Variants in DLG2 observed in about 807,000 individuals in gnomAD.
The protein encoded by DLG2 is disks large homolog 2.
A neutral mutation model predicts 132.5 loss-of-function variants in DLG2; 45 were observed. That is an observed-to-expected ratio of 0.34 (90% CI 0.27 to 0.44). The LOEUF is 0.44. Ranked by LOEUF, DLG2 falls within the 20% of genes least tolerant of loss-of-function variation. The pLI is 1.00. For synonymous variants in DLG2, 424 were observed against 419.6 expected, an observed-to-expected ratio of 1.01 and a Z score of -0.13; for missense variants, 1,045 against 1,196.9, an observed-to-expected ratio of 0.87 and a Z score of 1.87.
intron 6 of DLG2, among the ~76,000 whole-genome samples, chr11:84,604,952 T>C (rs554174864): frequency 6.6e-6 from 1 of 152,110 alleles, no homozygotes; most frequent in Non-Finnish European, 1.5e-5. Flanking sequence ...TTGGTATATA[T>C]TCTTCTTGAT....
chr11:85,223,197 C>T (rs1280194377), intron 4 of DLG2, among the ~76,000 whole-genome samples: 1 of 152,130 alleles, frequency 6.6e-6, no homozygotes, highest in African/African-American at 2.4e-5. Context: ...TTTTTAAGGA[C>T]ATAGGAGTAA....
chr11:85,067,583 C>A (rs1481759771), intron 6 of DLG2, among the ~76,000 whole-genome samples: 1 of 151,700 alleles, frequency 6.6e-6, no homozygotes, highest in Non-Finnish European at 1.5e-5. Context: ...AAGACTAAAC[C>A]AGGAAGAAGT....
At chr11:85,404,562 T>C (rs117755677) in intron 3 of DLG2, among the ~76,000 whole-genome samples, 1 of 152,046 alleles carries the variant, frequency 6.6e-6, no homozygotes, top group East Asian at 1.9e-4. Context: ...TGCAAAACTG[T>C]TGCATAGCTG....
chr11:83,556,266 G>A (rs182653815), intron 19 of DLG2, among the ~76,000 whole-genome samples: 72 of 152,232 alleles, frequency 4.7e-4, no homozygotes, highest in African/African-American at 1.6e-3. Context: ...CGAAACATGC[G>A]TATGGACTGA....
chr11:85,462,101 A>G (rs1335677715), intron 3 of DLG2, among the ~76,000 whole-genome samples: 1 of 152,222 alleles, frequency 6.6e-6, no homozygotes, highest in East Asian at 1.9e-4. Flanking sequence ...CCACAATGAG[A>G]TATCATCTCA....
intron 3 of DLG2, among the ~76,000 whole-genome samples, chr11:85,595,677 G>A (rs371804445): frequency 6.6e-6 from 1 of 152,128 alleles, no homozygotes; most frequent in Non-Finnish European, 1.5e-5. Context: ...GAAGAAAGGA[G>A]GAAGAAAGTT....
intron 6 of DLG2, among the ~76,000 whole-genome samples, chr11:84,952,696 T>TA (rs1336667010): frequency 1.3e-5 from 2 of 152,134 alleles, no homozygotes; most frequent in East Asian, 3.8e-4. Flanking sequence ...ATAGAGATTT[T>TA]AAAAAAAGAA....
intron 8 of DLG2, among the ~76,000 whole-genome samples, chr11:84,239,354 T>C (rs2097198151): frequency 6.6e-6 from 1 of 152,044 alleles, no homozygotes; most frequent in Admixed American, 6.6e-5. Flanking sequence ...CTAATTTTTG[T>C]ATTTTTACCA....
rs1397400070 is a variant in DLG2, at chr11:85,469,066, AC to A, written c.40+129590del. Reference sequence around the variant, plus strand: ...GTACTCTTTTACCTCAATAAATGGAACCTAGATTCTTCCAATCGGGCAAGTC... The same window carrying A: ...GTACTCTTTTACCTCAATAAATGGAACTAGATTCTTCCAATCGGGCAAGTC... On this transcript the variant is annotated intron_variant, in intron 3 of 27. Coordinates refer to ENST00000376104, the MANE Select transcript of DLG2 (RefSeq NM_001142699.3). Among the ~76,000 whole-genome samples the A allele has an allele frequency of 2.0e-5, 3 of 152,324 alleles. 1 individual carries two copies. Among genetic ancestry groups the A allele is most frequent in the South Asian group, 4.1e-4 (2 of 4,828 alleles).
At chr11:85,572,565 T>C (rs2077905413) in intron 3 of DLG2, among the ~76,000 whole-genome samples, 1 of 152,174 alleles carries the variant, frequency 6.6e-6, no homozygotes, top group Non-Finnish European at 1.5e-5. Context: ...TTCCTCCTTG[T>C]CCCCTATGCA....
intron 3 of DLG2, among the ~76,000 whole-genome samples, chr11:85,424,441 G>A (rs958999426): frequency 6.6e-6 from 1 of 152,144 alleles, no homozygotes; most frequent in African/African-American, 2.4e-5. Context: ...CATCCGCCAT[G>A]ACCCCCAGTT....
chr11:84,242,721 T>C (rs1322964447), intron 8 of DLG2, among the ~76,000 whole-genome samples: 3 of 152,174 alleles, frequency 2.0e-5, no homozygotes. Context: ...AGGAATTTTA[T>C]AATTTTACAA....
intron 3 of DLG2, among the ~76,000 whole-genome samples, chr11:85,380,021 T>C (rs1377252195): frequency 6.6e-6 from 1 of 152,176 alleles, no homozygotes; most frequent in Admixed American, 6.5e-5. Flanking sequence ...CAACAAAATA[T>C]AAAAGTACTA....
intron 8 of DLG2, among the ~76,000 whole-genome samples, chr11:84,199,076 C>T (rs1009260856): frequency 2.0e-5 from 3 of 152,138 alleles, no homozygotes; most frequent in African/African-American, 7.2e-5. Context: ...CTACCTTATT[C>T]TTTCCCAAGT....
At chr11:84,186,568 CT>C (rs1306847822) in intron 8 of DLG2, among the ~76,000 whole-genome samples, 1 of 152,002 alleles carries the variant, frequency 6.6e-6, no homozygotes, top group Non-Finnish European at 1.5e-5. Context: ...AGACCTAGAT[CT>C]TTCAGGCTGG....
At chr11:84,622,031 AG>A (rs2099614866) in intron 6 of DLG2, among the ~76,000 whole-genome samples, 3 of 152,188 alleles carry the variant, frequency 2.0e-5, no homozygotes, top group Non-Finnish European at 4.4e-5. Flanking sequence ...GTAAGTAAAA[AG>A]TTGCGGACCG....
chr11:84,248,240 C>A (rs1403004338), intron 8 of DLG2, among the ~76,000 whole-genome samples: 1 of 152,068 alleles, frequency 6.6e-6, no homozygotes, highest in African/African-American at 2.4e-5. Context: ...ATAATGTATT[C>A]ATGTTTTTTC....
intron 3 of DLG2, among the ~76,000 whole-genome samples, chr11:85,376,496 A>C (rs1430822384): frequency 1.3e-5 from 2 of 152,182 alleles, no homozygotes; most frequent in African/African-American, 4.8e-5. Flanking sequence ...CATTTACTAT[A>C]TCACTCTATA....
intron 4 of DLG2, among the ~76,000 whole-genome samples, chr11:85,284,901 C>T (rs1419391740): frequency 6.6e-6 from 1 of 151,848 alleles, no homozygotes; most frequent in African/African-American, 2.4e-5. Flanking sequence ...CCCTATTCTA[C>T]CATCCATCTC....
Sources: gnomAD v4.1 joint callset for allele counts (sites outside exome capture counted in the v4.1 genomes callset) on GRCh38, gnomAD v4.1.1 for gene constraint, MANE v1.5 for transcripts, NCBI Gene and HGNC (gene_info 2026-07-23, HGNC 2026-07-21) for gene names.